STAG1: variants seen among roughly 807,000 people sequenced by gnomAD.
STAG1 encodes the protein cohesin subunit SA-1.
STAG1 carries 26 observed loss-of-function variants against 170.9 expected under a neutral mutation model. The ratio of observed to expected loss-of-function variants is 0.15; its 90% CI spans 0.11 to 0.21. The LOEUF is 0.21. Ranked by LOEUF, STAG1 falls within the 10% of genes least tolerant of loss-of-function variation. The pLI, the probability that STAG1 is intolerant of heterozygous loss-of-function variation, is 1.00. For missense variants in STAG1, 964 were observed against 1,509.5 expected (o/e 0.64, Z 5.99); for synonymous variants, 514 against 497.7 (o/e 1.03, Z -0.44).
chr3:136,380,831 G>A (rs140785237), intron 22 of STAG1, among the ~76,000 whole-genome samples: 1 of 151,594 alleles, frequency 6.6e-6, no homozygotes, highest in African/African-American at 2.4e-5. Context: ...ACCAGCCTGG[G>A]CAACATGATG....
At chr3:136,695,327 C>T (rs1369953712) in intron 1 of STAG1, among the ~76,000 whole-genome samples, 1 of 151,802 alleles carries the variant, frequency 6.6e-6, no homozygotes, top group Non-Finnish European at 1.5e-5. Flanking sequence ...GTCCCAGCTA[C>T]TCAGGAGGTT....
chr3:136,709,073 T>C (rs1047693117), intron 1 of STAG1, among the ~76,000 whole-genome samples: 1 of 146,970 alleles, frequency 6.8e-6, no homozygotes, highest in Non-Finnish European at 1.5e-5. Flanking sequence ...GTGGATCACA[T>C]GAGGTCAGGG....
At chr3:136,679,538 A>G (rs1576754998) in intron 1 of STAG1, among the ~76,000 whole-genome samples, 1 of 151,956 alleles carries the variant, frequency 6.6e-6, no homozygotes, top group South Asian at 2.1e-4. Context: ...ACCATCCTGG[A>G]TAACACAGTG....
chr3:136,477,437 C>A, intron 9 of STAG1, 25 bp from the exon 10 acceptor site: 1 of 1,579,838 alleles, frequency 6.3e-7, no homozygotes, highest in Non-Finnish European at 8.6e-7. Flanking sequence ...AAAAGACAAT[C>A]TCAAATTAAT....
intron 1 of STAG1, among the ~76,000 whole-genome samples, chr3:136,693,662 C>T (rs1268527494): frequency 6.6e-6 from 1 of 152,012 alleles, no homozygotes; most frequent in Non-Finnish European, 1.5e-5. Context: ...CTTGACCTCC[C>T]GGGCTCAACT....
chr3:136,669,340 C>T (rs1242370171), intron 1 of STAG1, among the ~76,000 whole-genome samples: 2 of 151,814 alleles, frequency 1.3e-5, no homozygotes, highest in Non-Finnish European at 2.9e-5. Context: ...GTTGTTTTTG[C>T]TTACTTGAAT....
intron 29 of STAG1, among the ~76,000 whole-genome samples, chr3:136,344,796 G>A (rs1936150004): frequency 6.6e-6 from 1 of 151,460 alleles, no homozygotes; most frequent in Non-Finnish European, 1.5e-5. Context: ...ATATTTTTAG[G>A]AGAGACGGGG....
chr3:136,697,478 C>A (rs900812063), intron 1 of STAG1, among the ~76,000 whole-genome samples: 14 of 152,292 alleles, frequency 9.2e-5, no homozygotes, highest in African/African-American at 3.4e-4. Context: ...AAATCAGGTT[C>A]TCTGGGGATG....
intron 3 of STAG1, among the ~76,000 whole-genome samples, chr3:136,618,765 A>T (rs552644195): frequency 7.1e-6 from 1 of 140,260 alleles, no homozygotes; most frequent in Non-Finnish European, 1.6e-5. Flanking sequence ...AGATGTATAG[A>T]TATCATTCTT....
chr3:136,628,777 A>G (rs905715442), intron 2 of STAG1, among the ~76,000 whole-genome samples: 1 of 152,190 alleles, frequency 6.6e-6, no homozygotes, highest in African/African-American at 2.4e-5. Flanking sequence ...TCTACATGTT[A>G]TATCTACCCA....
rs35801167 is a variant in STAG1, at chr3:136,412,865, C to CTT, written c.2196+5018_2196+5019dup. 3.3e-4 allele frequency among the ~76,000 whole-genome samples: 47 copies of CTT among 141,498 alleles called. 1 individual carries two copies. The highest frequency in any genetic ancestry group is 4.1e-4 in the East Asian group (2 of 4,860). 92.8% of individuals were successfully genotyped at this position (141,498 alleles called of 152,430 possible). On this transcript the variant is annotated intron_variant, in intron 21 of 33. Transcript: ENST00000383202. ...GTTGGGGTGGTTGTGACAATTTTTTCTTTTTTTTTTTTTTGAGACCGAATC... is the reference window on the plus strand; with the variant it reads ...GTTGGGGTGGTTGTGACAATTTTTTCTTTTTTTTTTTTTTTTGAGACCGAATC...
intron 1 of STAG1, among the ~76,000 whole-genome samples, chr3:136,653,783 G>GATT (rs1941289615): frequency 6.6e-6 from 1 of 152,102 alleles, no homozygotes; most frequent in South Asian, 2.1e-4. Context: ...CATATAAAAG[G>GATT]ATTATACACC....
At chr3:136,579,839 G>A (rs1275389031) in intron 4 of STAG1, among the ~76,000 whole-genome samples, 7 of 151,458 alleles carry the variant, frequency 4.6e-5, no homozygotes, top group African/African-American at 1.5e-4. Flanking sequence ...TAAAATATCA[G>A]TAAATAATTA....
chr3:136,456,032 A>G (rs1240258759), intron 13 of STAG1, among the ~76,000 whole-genome samples: 1 of 152,242 alleles, frequency 6.6e-6, no homozygotes, highest in Non-Finnish European at 1.5e-5. Context: ...ACTAAGAAGT[A>G]AAGGTCTAAC....
chr3:136,465,054 A>C (rs182227534), intron 12 of STAG1, 66 bp from the exon 13 acceptor site: 1 of 1,230,214 alleles, frequency 8.1e-7, no homozygotes, highest in South Asian at 1.5e-5. Flanking sequence ...ACTTTTATTT[A>C]AACTTGCTAA....
chr3:136,496,345 T>C (rs1933090924), intron 9 of STAG1, among the ~76,000 whole-genome samples: 1 of 152,210 alleles, frequency 6.6e-6, no homozygotes, highest in Non-Finnish European at 1.5e-5. Flanking sequence ...TCTTGAGGTA[T>C]AGAGATCTAT....
intron 5 of STAG1, among the ~76,000 whole-genome samples, chr3:136,546,749 G>C (rs1285458207): frequency 6.6e-6 from 1 of 152,136 alleles, no homozygotes; most frequent in Non-Finnish European, 1.5e-5. Context: ...ATAAATTATA[G>C]AGCAAAAAGT....
At chr3:136,356,684 ACT>A (rs1174603001) in intron 28 of STAG1, among the ~76,000 whole-genome samples, 4 of 151,822 alleles carry the variant, frequency 2.6e-5, no homozygotes, top group South Asian at 2.1e-4. Context: ...ATTATAAAGG[ACT>A]CTCTGTCTTA....
intron 6 of STAG1, among the ~76,000 whole-genome samples, chr3:136,536,373 C>T (rs995553740): frequency 2.6e-5 from 4 of 152,072 alleles, no homozygotes; most frequent in African/African-American, 9.7e-5. Context: ...GTAACTGTTA[C>T]TGAGTAATCT....
Sources: allele counts gnomAD v4.1 joint callset (sites outside exome capture counted in the v4.1 genomes callset), GRCh38; gene constraint gnomAD v4.1.1; transcripts MANE v1.5; gene names NCBI Gene and HGNC (gene_info 2026-07-23, HGNC 2026-07-21).